Variants in GALNTL6 observed in about 807,000 individuals in gnomAD.
The protein encoded by GALNTL6 is polypeptide N-acetylgalactosaminyltransferase like 6, also known as polypeptide N-acetylgalactosaminyltransferase-like 6.
In GALNTL6, 46 loss-of-function variants were observed where a neutral mutation model predicts 73.7. The ratio of observed to expected loss-of-function variants is 0.62; its 90% CI spans 0.49 to 0.80. The LOEUF is 0.80. GALNTL6 is among the 30% of genes least tolerant of loss of function. The pLI is 0.00. For synonymous variants in GALNTL6, 259 were observed against 263.7 expected (o/e 0.98, Z 0.17); for missense variants, 604 against 755.0 (o/e 0.80, Z 2.34).
At chr4:172,020,733 A>G (rs1741371612) in intron 2 of GALNTL6, among the ~76,000 whole-genome samples, 1 of 152,020 alleles carries the variant, frequency 6.6e-6, no homozygotes, top group African/African-American at 2.4e-5. Context: ...TCAAACATTT[A>G]CAGAACTAAT....
chr4:171,970,028 C>A (rs1293962973), intron 2 of GALNTL6, among the ~76,000 whole-genome samples: 1 of 152,172 alleles, frequency 6.6e-6, no homozygotes, highest in African/African-American at 2.4e-5. Flanking sequence ...TCCTTGGCCT[C>A]CCAAAGTGCT....
intron 5 of GALNTL6, among the ~76,000 whole-genome samples, chr4:172,740,392 T>A (rs1736727714): frequency 6.6e-6 from 1 of 152,220 alleles, no homozygotes; most frequent in Admixed American, 6.5e-5. Flanking sequence ...GCCTTCACTT[T>A]GTGAAAAGTC....
chr4:172,589,937 T>C (rs557540162), intron 5 of GALNTL6, among the ~76,000 whole-genome samples: 2 of 152,220 alleles, frequency 1.3e-5, no homozygotes, highest in African/African-American at 4.8e-5. Flanking sequence ...TTTGTAACTC[T>C]AGATGAAATG....
chr4:172,916,602 AACAG>A (rs1747529891), intron 8 of GALNTL6, among the ~76,000 whole-genome samples: 1 of 152,180 alleles, frequency 6.6e-6, no homozygotes, highest in South Asian at 2.1e-4. Flanking sequence ...ATACACCAAT[AACAG>A]ACAAACAGAG....
At chr4:173,015,069 C>T (rs1286777698) in intron 11 of GALNTL6, among the ~76,000 whole-genome samples, 1 of 152,188 alleles carries the variant, frequency 6.6e-6, no homozygotes, top group Non-Finnish European at 1.5e-5. Flanking sequence ...TTGTTTGGCA[C>T]TGCTCCTTGC....
At chr4:171,987,945 A>G (rs111761457) in intron 2 of GALNTL6, among the ~76,000 whole-genome samples, 3,200 of 152,268 alleles carry the variant, frequency 0.021, 95 homozygotes, top group African/African-American at 0.065. Flanking sequence ...AATGGTAATT[A>G]TGGGACTTAA....
intron 10 of GALNTL6, among the ~76,000 whole-genome samples, chr4:172,996,077 T>C (rs924096293): frequency 6.6e-6 from 1 of 152,300 alleles, no homozygotes; most frequent in East Asian, 1.9e-4. Context: ...AAATGCATGA[T>C]ATGTTCATTG....
intron 2 of GALNTL6, among the ~76,000 whole-genome samples, chr4:172,139,725 G>A (rs1465657800): frequency 6.6e-6 from 1 of 152,156 alleles, no homozygotes; most frequent in Non-Finnish European, 1.5e-5. Flanking sequence ...TCAAAGGATT[G>A]AATTCTGCCC....
intron 5 of GALNTL6, among the ~76,000 whole-genome samples, chr4:172,711,297 G>A (rs1379658101): frequency 6.6e-6 from 1 of 152,136 alleles, no homozygotes; most frequent in Non-Finnish European, 1.5e-5. Context: ...AGAGTTTTCT[G>A]ATGGGTTCTG....
At chr4:172,186,692 A>G (rs1735425528) in intron 2 of GALNTL6, among the ~76,000 whole-genome samples, 1 of 152,116 alleles carries the variant, frequency 6.6e-6, no homozygotes, top group African/African-American at 2.4e-5. Flanking sequence ...GTCATATACT[A>G]TATCATTTCA....
intron 2 of GALNTL6, among the ~76,000 whole-genome samples, chr4:171,908,877 C>A (rs947725015): frequency 1.3e-5 from 2 of 150,662 alleles, no homozygotes; most frequent in Admixed American, 6.6e-5. Context: ...CATCATTCTC[C>A]GTAAACTATT....
chr4:172,925,198 T>A (rs548263505), intron 8 of GALNTL6, among the ~76,000 whole-genome samples: 1 of 150,260 alleles, frequency 6.7e-6, no homozygotes, highest in Non-Finnish European at 1.5e-5. Context: ...TTTAAAGTGA[T>A]CATGGGGCCG....
intron 5 of GALNTL6, among the ~76,000 whole-genome samples, chr4:172,725,971 T>C (rs1004882694): frequency 6.6e-6 from 1 of 152,194 alleles, no homozygotes; most frequent in Non-Finnish European, 1.5e-5. Flanking sequence ...GCCTGGAATG[T>C]TGTAGAAGTT....
chr4:172,329,694 C>T (rs1295348500), intron 4 of GALNTL6, among the ~76,000 whole-genome samples: 2 of 152,094 alleles, frequency 1.3e-5, no homozygotes, highest in African/African-American at 4.8e-5. Context: ...TGCTCCAGTC[C>T]CTAGTCACCT....
At chr4:172,888,053 A>G (rs1205264711) in intron 8 of GALNTL6, among the ~76,000 whole-genome samples, 1 of 152,008 alleles carries the variant, frequency 6.6e-6, no homozygotes, top group African/African-American at 2.4e-5. Flanking sequence ...TCACTTGTTG[A>G]TTCATTTAGG....
At chr4:172,436,495 C>T (rs1731640029) in intron 5 of GALNTL6, among the ~76,000 whole-genome samples, 1 of 152,034 alleles carries the variant, frequency 6.6e-6, no homozygotes, top group South Asian at 2.1e-4. Flanking sequence ...CACAGCAACT[C>T]CCCCTTTTTC....
chr4:172,607,581 G>A (rs1738357124), intron 5 of GALNTL6, among the ~76,000 whole-genome samples: 1 of 152,090 alleles, frequency 6.6e-6, no homozygotes, highest in African/African-American at 2.4e-5. Context: ...GTGTCTTTAT[G>A]GTAGAATGAT....
At chr4:172,185,466 T>G (rs555666995) in intron 2 of GALNTL6, among the ~76,000 whole-genome samples, 44 of 152,350 alleles carry the variant, frequency 2.9e-4, no homozygotes, top group African/African-American at 9.9e-4. Context: ...TTTGTATATC[T>G]TCTTTCAGGT....
At chr4:171,898,689 G>A (rs1578951833) in intron 2 of GALNTL6, among the ~76,000 whole-genome samples, 1 of 152,038 alleles carries the variant, frequency 6.6e-6, no homozygotes, top group Non-Finnish European at 1.5e-5. Context: ...GCCTGGATCT[G>A]GGAGTTGGGA....
Sources: allele counts gnomAD v4.1 joint callset (sites outside exome capture counted in the v4.1 genomes callset), GRCh38; gene constraint gnomAD v4.1.1; transcripts MANE v1.5; gene names NCBI Gene and HGNC (gene_info 2026-07-23, HGNC 2026-07-21).